The following SNX27 variants were observed in gnomAD, a reference collection of about 807,000 sequenced individuals.
SNX27 encodes sorting nexin-27.
In SNX27, 22 loss-of-function variants were observed where a neutral mutation model predicts 71.6. That is an observed-to-expected ratio of 0.31 (90% CI 0.22 to 0.44). The LOEUF is 0.44. Among genes scored for constraint, SNX27 ranks in the 20% least tolerant of loss-of-function variants. The probability of loss-of-function intolerance (pLI) is 1.00; values close to 1 mark genes in which losing one functional copy is unlikely to be tolerated. For synonymous variants in SNX27, 269 were observed against 277.2 expected (o/e 0.97, Z 0.29); for missense variants, 531 against 698.6 (o/e 0.76, Z 2.70).
intron 7 of SNX27, chr1:151,676,935 T>C (rs1207906251): frequency 6.7e-6 from 1 of 149,864 alleles, no homozygotes; most frequent in Non-Finnish European, 1.5e-5. Flanking sequence ...ATCTGTCTGG[T>C]GTGTGTGTGT....
intron 8 of SNX27, among the ~76,000 whole-genome samples, chr1:151,689,386 TG>T (rs1417596257): frequency 1.3e-5 from 2 of 152,204 alleles, no homozygotes; most frequent in Non-Finnish European, 2.9e-5. Flanking sequence ...TATTTCCAGA[TG>T]GCAGAAGAGA....
rs557963030 is a variant in SNX27 at position 151,662,585 on chromosome 1, C to T, written c.906+315C>T. On this transcript the variant is annotated intron_variant, in intron 5 of 11. Transcript: ENST00000458013. ...GCAACCTCTGCCTCCTGGGTTCAAG[C>T]GATTCTCCTGCCTCAGCCTCCTGAG... 7 of 173,496 alleles carry T rather than the reference C, an allele frequency of 4.0e-5. No individual in the cohort carries two copies. In the Admixed American group the frequency reaches 4.2e-4, roughly 10 times the overall value. The allele number at this position is 173,496 out of a possible 1,614,324, so 10.7% of individuals were successfully genotyped here.
At chr1:151,646,521 T>C (rs544092341) in intron 2 of SNX27, among the ~76,000 whole-genome samples, 4 of 150,952 alleles carry the variant, frequency 2.6e-5, no homozygotes, top group African/African-American at 9.7e-5. Flanking sequence ...TTGTTTTTTT[T>C]CTTGGTTTAC....
At chr1:151,653,766 C>T (rs1265253782) in intron 2 of SNX27, among the ~76,000 whole-genome samples, 4 of 151,942 alleles carry the variant, frequency 2.6e-5, no homozygotes, top group Admixed American at 6.6e-5. Context: ...AGTGATCCTC[C>T]TGCCTTGGCC....
At chr1:151,649,000 T>C (rs1462181377) in intron 2 of SNX27, among the ~76,000 whole-genome samples, 3 of 152,086 alleles carry the variant, frequency 2.0e-5, no homozygotes, top group Non-Finnish European at 4.4e-5. Flanking sequence ...TCTTGCTCTG[T>C]TGCCCAGGCT....
At chr1:151,658,762 G>T (rs944895156) in intron 3 of SNX27, among the ~76,000 whole-genome samples, 1 of 152,066 alleles carries the variant, frequency 6.6e-6, no homozygotes, top group Non-Finnish European at 1.5e-5. Context: ...CAGCTCAACT[G>T]CATCCTCTGC....
chr1:151,680,759 G>C (rs553306745), intron 7 of SNX27, among the ~76,000 whole-genome samples: 2 of 152,336 alleles, frequency 1.3e-5, no homozygotes, highest in South Asian at 4.1e-4. Context: ...AAACTGGATA[G>C]ACCAGTATTG....
At chr1:151,673,106 A>C (rs1004514265) in intron 7 of SNX27, among the ~76,000 whole-genome samples, 2 of 151,956 alleles carry the variant, frequency 1.3e-5, no homozygotes, top group Admixed American at 6.5e-5. Context: ...ATTTATAACT[A>C]TAAAATTCCT....
chr1:151,654,006 T>A (rs1558055635), intron 2 of SNX27, among the ~76,000 whole-genome samples: 1 of 152,134 alleles, frequency 6.6e-6, no homozygotes, highest in Non-Finnish European at 1.5e-5. Context: ...CTAATTTTTG[T>A]ATTTTTAGTA....
In SNX27 at chr1:151,612,270, C is replaced by G. The variant is rs752312603; in HGVS notation, c.69C>G (p.Gly23=). 2.8e-6 allele frequency: 4 copies of G among 1,450,218 alleles called. No homozygotes were observed. The highest frequency in any genetic ancestry group is 1.4e-5 in the South Asian group (1 of 71,188). 89.8% of individuals were successfully genotyped at this position (1,450,218 alleles called of 1,614,324 possible). ...ACAGGAACGGAGGTGGCGGCGGCGG[C>G]GGGGGGTCTGGGCTCCACTGCGCCG... ...APHRNGGGGG[G]GGSGLHCAGN... is the part of the protein sequence containing the mutation. Residue 23 remains glycine (G), a synonymous_variant, in exon 1 of 12, where the codon GGC becomes GGG. Coordinates refer to ENST00000458013, the MANE Select transcript of SNX27 (RefSeq NM_001330723.2). The surrounding 1 kb of genome is among the most constrained non-coding windows in gnomAD (Gnocchi z 5.2).
At chr1:151,680,241 C>T (rs1670878416) in intron 7 of SNX27, 1 of 151,258 alleles carries the variant, frequency 6.6e-6, no homozygotes, top group East Asian at 2.0e-4. Context: ...GATGTAACCT[C>T]CGTCTTCCGG....
At chr1:151,667,441 TG>T (rs1670243484) in intron 6 of SNX27, among the ~76,000 whole-genome samples, 1 of 152,114 alleles carries the variant, frequency 6.6e-6, no homozygotes, top group Non-Finnish European at 1.5e-5. Context: ...AAAAACCTTT[TG>T]GCCTTAACAA....
At chr1:151,684,999 G>C (rs1184747648) in intron 8 of SNX27, among the ~76,000 whole-genome samples, 2 of 151,956 alleles carry the variant, frequency 1.3e-5, no homozygotes, top group African/African-American at 4.8e-5. Flanking sequence ...AGTAGAGATG[G>C]GGTTTCACCA....
intron 1 of SNX27, among the ~76,000 whole-genome samples, chr1:151,627,766 G>A (rs1668014044): frequency 6.6e-6 from 1 of 151,860 alleles, no homozygotes; most frequent in Non-Finnish European, 1.5e-5. Flanking sequence ...TATAGATTTT[G>A]ACATGCATTA....
chr1:151,632,764 T>G (rs1429739542), intron 1 of SNX27, among the ~76,000 whole-genome samples: 1 of 152,198 alleles, frequency 6.6e-6, no homozygotes. Context: ...TTCAGAGTAA[T>G]CTAAAAGTAG....
intron 1 of SNX27, among the ~76,000 whole-genome samples, chr1:151,627,845 C>G (rs992623679): frequency 2.0e-5 from 3 of 152,132 alleles, no homozygotes; most frequent in Non-Finnish European, 4.4e-5. Context: ...CTGTGCTTCG[C>G]TAATTCATCC....
intron 1 of SNX27, among the ~76,000 whole-genome samples, chr1:151,637,412 T>C (rs563301646): frequency 9.2e-5 from 14 of 152,198 alleles, no homozygotes; most frequent in African/African-American, 3.4e-4. Flanking sequence ...TCTCCTGACC[T>C]TGTGATCCAC....
At position 151,650,667 on chromosome 1, in the gene SNX27, C is replaced by T. The variant is rs1281281700; in HGVS notation, c.544-7568C>T. ...TCTCACAGGGGGGATTTGGCAGGGT[C>T]ATAGGACAATAGTGGAGGGAAGGTC... On this transcript the variant is annotated intron_variant, in intron 2 of 11. Coordinates refer to ENST00000458013, the MANE Select transcript of SNX27 (RefSeq NM_001330723.2). 4.6e-5 allele frequency among the ~76,000 whole-genome samples: 7 copies of T among 151,812 alleles called. No individual in the cohort carries two copies. In the East Asian group the frequency reaches 1.4e-3, roughly 29 times the overall value.
chr1:151,632,797 C>A (rs1558040957), intron 1 of SNX27, among the ~76,000 whole-genome samples: 1 of 152,010 alleles, frequency 6.6e-6, no homozygotes, highest in Non-Finnish European at 1.5e-5. Flanking sequence ...GCTTTTCACC[C>A]AGATGGTGGA....
Sources: allele counts gnomAD v4.1 joint callset (sites outside exome capture counted in the v4.1 genomes callset), GRCh38; gene constraint gnomAD v4.1.1; non-coding constraint Gnocchi (gnomAD v3.1); transcripts MANE v1.5; gene names NCBI Gene and HGNC (gene_info 2026-07-23, HGNC 2026-07-21).